The following HLCS variants were observed in gnomAD, a reference collection of about 807,000 sequenced individuals.
The protein encoded by HLCS is holocarboxylase synthetase, also known as biotin--protein ligase.
Under a neutral mutation model 75.0 loss-of-function variants are expected in HLCS, and 53 were observed. That is an observed-to-expected ratio of 0.71 (90% CI 0.57 to 0.89). HLCS has a LOEUF of 0.89. Among genes scored for constraint, HLCS ranks in the 40% least tolerant of loss-of-function variants. The probability of loss-of-function intolerance (pLI) is 0.00; values close to 1 mark genes in which losing one functional copy is unlikely to be tolerated. For missense variants in HLCS, 966 were observed against 1,074.0 expected (o/e 0.90, Z 1.41); for synonymous variants, 431 against 428.6 (o/e 1.01, Z -0.07).
chr21:36,939,993 G>A (rs1435711849), intron 2 of HLCS, among the ~76,000 whole-genome samples: 1 of 152,170 alleles, frequency 6.6e-6, no homozygotes, highest in African/African-American at 2.4e-5. Flanking sequence ...AGGTTGCAGT[G>A]AGCTGAGATC....
At chr21:36,927,956 C>A (rs993339285) in intron 5 of HLCS, among the ~76,000 whole-genome samples, 2 of 152,236 alleles carry the variant, frequency 1.3e-5, no homozygotes, top group South Asian at 4.1e-4. Context: ...CCAAGATCCT[C>A]TCCATGGAAC....
rs533464433 is a variant in HLCS, at chr21:36,926,382, C to A, written c.1620+3869G>T. Among the ~76,000 whole-genome samples, 87 of 152,276 alleles carry A rather than the reference C, an allele frequency of 5.7e-4. 2 individuals carry two copies. The South Asian group carries it at 0.018, about 32-fold the overall frequency. On this transcript the variant is annotated intron_variant, in intron 5 of 10. Transcript: ENST00000674895. ...TCACGTGTTTTACTATCAGAGCGAA[C>A]CCTTTCTAAATAATATGTCAAATAT...
intron 6 of HLCS, among the ~76,000 whole-genome samples, chr21:36,880,779 C>T (rs945974327): frequency 1.3e-5 from 2 of 152,230 alleles, no homozygotes; most frequent in South Asian, 2.1e-4. Flanking sequence ...ATGTCAGCCA[C>T]GACCTCATCC....
chr21:36,911,937 G>T (rs2065732981), intron 5 of HLCS, among the ~76,000 whole-genome samples: 1 of 151,722 alleles, frequency 6.6e-6, no homozygotes, highest in African/African-American at 2.4e-5. Context: ...CAGGCGTGGT[G>T]GTGAGCACCT....
upstream of HLCS, among the ~76,000 whole-genome samples, chr21:36,966,830 T>G (rs578089307): frequency 0.29 from 23,861 of 80,964 alleles, 2,366 homozygotes; most frequent in Middle Eastern, 0.45. Flanking sequence ...CGGGGGGGGG[T>G]GAGGCCGCGC....
intron 6 of HLCS, among the ~76,000 whole-genome samples, chr21:36,814,305 T>G (rs2061596362): frequency 6.6e-6 from 1 of 152,184 alleles, no homozygotes; most frequent in African/African-American, 2.4e-5. Flanking sequence ...ATGGTCACTG[T>G]CTCCCCAAAA....
intron 1 of HLCS, among the ~76,000 whole-genome samples, chr21:36,989,338 T>A (rs78683480): frequency 1.6e-5 from 2 of 128,204 alleles, no homozygotes; most frequent in South Asian, 2.8e-4. Flanking sequence ...TTTTTTTTTT[T>A]AATGAGACGG....
intron 6 of HLCS, chr21:36,806,357 A>G (rs1374082981): frequency 6.6e-6 from 1 of 152,176 alleles, no homozygotes; most frequent in Non-Finnish European, 1.5e-5. Flanking sequence ...GTGTGACATC[A>G]TCTTTGAGAT....
chr21:36,935,525 A>G (rs1249448505), intron 4 of HLCS, among the ~76,000 whole-genome samples: 1 of 152,216 alleles, frequency 6.6e-6, no homozygotes, highest in East Asian at 1.9e-4. Context: ...CTCTATCTCA[A>G]TAAAAAGATC....
At chr21:36,827,777 C>A (rs1270960977) in intron 6 of HLCS, among the ~76,000 whole-genome samples, 1 of 151,096 alleles carries the variant, frequency 6.6e-6, no homozygotes, top group Non-Finnish European at 1.5e-5. Context: ...CTTTTCGTAC[C>A]CCCAAACTCA....
intron 2 of HLCS, among the ~76,000 whole-genome samples, chr21:36,956,699 T>C (rs554396457): frequency 2.8e-4 from 43 of 151,840 alleles, no homozygotes; most frequent in African/African-American, 8.0e-4. Context: ...CACTGCACTC[T>C]AGCCTAGGCA....
At chr21:36,781,725 C>G (rs993631958) in intron 6 of HLCS, among the ~76,000 whole-genome samples, 5 of 152,094 alleles carry the variant, frequency 3.3e-5, no homozygotes, top group Admixed American at 6.6e-5. Flanking sequence ...TTTGGATTGG[C>G]TAATACCTTT....
intron 6 of HLCS, among the ~76,000 whole-genome samples, chr21:36,864,746 A>G (rs1466340958): frequency 6.6e-6 from 1 of 152,216 alleles, no homozygotes; most frequent in Non-Finnish European, 1.5e-5. Flanking sequence ...GGGCCTTTTT[A>G]TCCTTTCTAT....
At chr21:36,775,289 T>C (rs1280609778) in intron 6 of HLCS, among the ~76,000 whole-genome samples, 2 of 152,262 alleles carry the variant, frequency 1.3e-5, no homozygotes, top group East Asian at 3.8e-4. Flanking sequence ...TGGATTCAGC[T>C]TTCAGAATGA....
At position 36,749,972 on chromosome 21, in the gene HLCS, T is replaced by C. The variant is rs888415098; in HGVS notation, c.*4274A>G. 3 of 152,224 alleles carry C rather than the reference T, an allele frequency of 2.0e-5. No individual in the cohort carries two copies. Among genetic ancestry groups the C allele is most frequent in the South Asian group, 2.1e-4 (1 of 4,834 alleles). The allele number at this position is 152,224 out of a possible 1,614,324, so 9.4% of individuals were successfully genotyped here. A position where few individuals can be genotyped will look rare whatever the true frequency, so the allele number is the denominator to read the frequency against. ...GTATGTACTTGAAAATGTGTACTAG[T>C]GAAAACGTCCTTGTCTAAACAAACT... On this transcript the variant is annotated 3_prime_UTR_variant, in exon 11 of 11. Coordinates refer to ENST00000674895, the MANE Select transcript of HLCS (RefSeq NM_001352514.2).
chr21:36,886,101 A>G (rs1282389696), intron 6 of HLCS, among the ~76,000 whole-genome samples: 1 of 151,950 alleles, frequency 6.6e-6, no homozygotes, highest in African/African-American at 2.4e-5. Context: ...TACACCCTCA[A>G]AAGATGAAGA....
chr21:36,869,407 C>T (rs930332158), intron 6 of HLCS, among the ~76,000 whole-genome samples: 3 of 152,178 alleles, frequency 2.0e-5, no homozygotes, highest in African/African-American at 4.8e-5. Context: ...GCTGGGGTTA[C>T]AGGCGTGAGC....
intron 6 of HLCS, among the ~76,000 whole-genome samples, chr21:36,894,750 C>T (rs999732213): frequency 1.3e-5 from 2 of 152,288 alleles, no homozygotes; most frequent in African/African-American, 4.8e-5. Flanking sequence ...AAAGTAAAAA[C>T]TCTTAACCCT....
At chr21:36,781,007 T>G (rs2060513425) in intron 6 of HLCS, among the ~76,000 whole-genome samples, 1 of 119,046 alleles carries the variant, frequency 8.4e-6, no homozygotes, top group Non-Finnish European at 1.6e-5. Flanking sequence ...CTAGAAAAGC[T>G]TCCTCTGTAT....
Sources: allele counts gnomAD v4.1 joint callset (sites outside exome capture counted in the v4.1 genomes callset), GRCh38; gene constraint gnomAD v4.1.1; transcripts MANE v1.5; gene names NCBI Gene and HGNC (gene_info 2026-07-23, HGNC 2026-07-21).